The following RASGRP3 variants were observed in gnomAD, a reference collection of about 807,000 sequenced individuals.
RASGRP3 encodes RAS guanyl releasing protein 3.
RASGRP3 carries 54 observed loss-of-function variants against 82.7 expected under a neutral mutation model. That is an observed-to-expected ratio of 0.65 (90% CI 0.52 to 0.82). The LOEUF (loss-of-function observed/expected upper bound fraction) is 0.82. RASGRP3 is among the 40% of genes least tolerant of loss of function. The probability of loss-of-function intolerance (pLI) is 0.00; values close to 1 mark genes in which losing one functional copy is unlikely to be tolerated. For missense variants in RASGRP3, 861 were observed against 828.9 expected, an observed-to-expected ratio of 1.04 and a Z score of -0.48; for synonymous variants, 309 against 300.5, an observed-to-expected ratio of 1.03 and a Z score of -0.29.
chr2:33,439,982 G>A (rs182854348), intron 1 of RASGRP3, among the ~76,000 whole-genome samples: 1 of 152,096 alleles, frequency 6.6e-6, no homozygotes, highest in African/African-American at 2.4e-5. Context: ...AAACTGACGC[G>A]TTTTGCAAAC....
At chr2:33,439,220 T>G (rs1427603200) in intron 1 of RASGRP3, among the ~76,000 whole-genome samples, 1 of 152,064 alleles carries the variant, frequency 6.6e-6, no homozygotes, top group Non-Finnish European at 1.5e-5. Flanking sequence ...AACTCAATGT[T>G]AAGTTGAAAA....
Position 33,560,387 on chromosome 2 carries a change from A to T in RASGRP3, c.2064+1357A>T, listed in dbSNP as rs368019487. Among the ~76,000 whole-genome samples, 14 of 152,218 alleles carry T rather than the reference A, an allele frequency of 9.2e-5. No individual in the cohort carries two copies. In the East Asian group the frequency reaches 1.7e-3, roughly 19 times the overall value. ...GCCTAGCACAGTTCAAGCTGGGAAT[A>T]TAAACGAGAATAAGAGAAAGATCAT... On this transcript the variant is annotated intron_variant, in intron 17 of 17. Coordinates refer to ENST00000403687, the MANE Select transcript of RASGRP3 (RefSeq NM_001139488.2).
intron 2 of RASGRP3, chr2:33,458,132 T>A (rs1666146705): frequency 6.6e-6 from 1 of 152,172 alleles, no homozygotes; most frequent in Non-Finnish European, 1.5e-5. Context: ...TCTGGGCCAG[T>A]AAGTTGGGTC....
intron 1 of RASGRP3, among the ~76,000 whole-genome samples, chr2:33,488,293 CT>C (rs893527742): frequency 6.6e-6 from 1 of 152,186 alleles, no homozygotes; most frequent in African/African-American, 2.4e-5. Flanking sequence ...GAAATGCAAG[CT>C]TTTTGCCAGT....
chr2:33,459,094 CAT>C (rs981349315), intron 2 of RASGRP3, among the ~76,000 whole-genome samples: 1 of 152,066 alleles, frequency 6.6e-6, no homozygotes, highest in Non-Finnish European at 1.5e-5. Flanking sequence ...TAATGCCTCT[CAT>C]ATTACAATCT....
At chr2:33,467,285 T>G (rs941803662) in intron 2 of RASGRP3, among the ~76,000 whole-genome samples, 6 of 152,166 alleles carry the variant, frequency 3.9e-5, no homozygotes, top group Non-Finnish European at 8.8e-5. Flanking sequence ...AAGTCTACTC[T>G]CTGATGCTTT....
intron 5 of RASGRP3, 114 bp from the exon 6 acceptor site, chr2:33,520,439 G>A: frequency 7.4e-7 from 1 of 1,344,380 alleles, no homozygotes; most frequent in South Asian, 1.3e-5. Flanking sequence ...TTGAAGTGTG[G>A]TCCTGGATGG....
chr2:33,509,427 G>A (rs979630441), intron 1 of RASGRP3, among the ~76,000 whole-genome samples: 37 of 151,906 alleles, frequency 2.4e-4, no homozygotes, highest in Admixed American at 2.0e-3. Context: ...ATATGATCAT[G>A]CCATTCTCCT....
intron 1 of RASGRP3, among the ~76,000 whole-genome samples, chr2:33,438,423 G>A (rs55679735): frequency 0.045 from 6,834 of 152,214 alleles, 202 homozygotes; most frequent in South Asian, 0.097. Context: ...TTAGCTGGGC[G>A]TGGTGGCACA....
chr2:33,479,426 C>T (rs1667680493), intron 1 of RASGRP3, among the ~76,000 whole-genome samples: 1 of 152,174 alleles, frequency 6.6e-6, no homozygotes, highest in Non-Finnish European at 1.5e-5. Flanking sequence ...ACCCATGCCC[C>T]ACCCCAAATA....
intron 1 of RASGRP3, among the ~76,000 whole-genome samples, chr2:33,501,025 G>A (rs1247701177): frequency 6.6e-6 from 1 of 152,224 alleles, no homozygotes; most frequent in Admixed American, 6.5e-5. Flanking sequence ...AAATTGGACA[G>A]CAATTTTATC....
chr2:33,455,103 T>G (rs1665971685), intron 2 of RASGRP3, among the ~76,000 whole-genome samples: 1 of 152,172 alleles, frequency 6.6e-6, no homozygotes, highest in Admixed American at 6.5e-5. Context: ...AACTATAGCT[T>G]CTCACCCTCT....
intron 1 of RASGRP3, among the ~76,000 whole-genome samples, chr2:33,489,213 G>T (rs897996272): frequency 6.6e-6 from 1 of 152,162 alleles, no homozygotes; most frequent in African/African-American, 2.4e-5. Context: ...TAGTACCAAG[G>T]TTGAGAAATC....
intron 1 of RASGRP3, among the ~76,000 whole-genome samples, chr2:33,447,057 T>A (rs1281317030): frequency 1.4e-5 from 2 of 139,398 alleles, no homozygotes; most frequent in East Asian, 4.2e-4. Flanking sequence ...GGCAGGAGAA[T>A]GGCGTGAACC....
At chr2:33,462,429 G>C (rs1230452471) in intron 2 of RASGRP3, among the ~76,000 whole-genome samples, 1 of 151,310 alleles carries the variant, frequency 6.6e-6, no homozygotes, top group Admixed American at 6.6e-5. Context: ...GGCCAGGCTG[G>C]AGTACAGTGG....
At chr2:33,529,037 G>A (rs1346154855) in intron 10 of RASGRP3, among the ~76,000 whole-genome samples, 5 of 152,168 alleles carry the variant, frequency 3.3e-5, no homozygotes, top group East Asian at 1.9e-4. Flanking sequence ...AGCTGTCCAC[G>A]ATGTCAAGCA....
Position 33,546,355 on chromosome 2 carries a change from G to A in RASGRP3, c.1394+2728G>A, listed in dbSNP as rs189030875. Among the ~76,000 whole-genome samples, 224 of 151,422 alleles carry A rather than the reference G, an allele frequency of 1.5e-3. 2 individuals carry two copies. Among genetic ancestry groups the A allele is most frequent in the African/African-American group, 3.7e-3 (152 of 41,364 alleles). On this transcript the variant is annotated intron_variant, in intron 13 of 17. Transcript: ENST00000403687. ...GGAGAATGGCATGAACCCGCGAGGC[G>A]GAGCTTGCAGTGAGCCAAGATCGCA...
intron 1 of RASGRP3, among the ~76,000 whole-genome samples, chr2:33,477,139 A>C (rs1416513292): frequency 2.6e-5 from 4 of 152,218 alleles, no homozygotes; most frequent in Non-Finnish European, 4.4e-5. Context: ...CTGAAAACGT[A>C]GTTGTTTAAA....
At chr2:33,521,860 A>G in intron 6 of RASGRP3, 95 bp from the exon 7 acceptor site, 1 of 1,454,002 alleles carries the variant, frequency 6.9e-7, no homozygotes, top group Non-Finnish European at 9.2e-7. Context: ...AAGTCCCTGG[A>G]AGCAAGCCAA....
Sources: allele counts gnomAD v4.1 joint callset (sites outside exome capture counted in the v4.1 genomes callset), GRCh38; gene constraint gnomAD v4.1.1; transcripts MANE v1.5; gene names NCBI Gene and HGNC (gene_info 2026-07-23, HGNC 2026-07-21).